Variants in DLC1 observed in about 807,000 individuals in gnomAD.
DLC1 encodes the protein DLC1 Rho GTPase activating protein, also known as rho GTPase-activating protein 7.
A neutral mutation model predicts 140.3 loss-of-function variants in DLC1; 54 were observed. The ratio of observed to expected loss-of-function variants is 0.38; its 90% CI spans 0.31 to 0.48. DLC1 has a LOEUF of 0.48. DLC1 is among the 20% of genes least tolerant of loss of function. The pLI, the probability that DLC1 is intolerant of heterozygous loss-of-function variation, is 0.96. For missense variants in DLC1, 2,536 were observed against 1,907.0 expected, an observed-to-expected ratio of 1.33 and a Z score of -6.14; for synonymous variants, 986 against 728.1, an observed-to-expected ratio of 1.35 and a Z score of -5.70.
chr8:13,224,109 C>G (rs538101849), intron 5 of DLC1, among the ~76,000 whole-genome samples: 1 of 152,270 alleles, frequency 6.6e-6, no homozygotes, highest in African/African-American at 2.4e-5. Context: ...ACAAAAACAT[C>G]TGGGATCGTT....
intron 5 of DLC1, among the ~76,000 whole-genome samples, chr8:13,251,582 T>C (rs1830006473): frequency 6.6e-6 from 1 of 152,214 alleles, no homozygotes; most frequent in South Asian, 2.1e-4. Context: ...CAGGACCTTT[T>C]GGATAAATTT....
At chr8:13,551,991 A>ATG (rs557902519) in intron 1 of DLC1, among the ~76,000 whole-genome samples, 3 of 143,632 alleles carry the variant, frequency 2.1e-5, no homozygotes, top group Admixed American at 7.1e-5. Flanking sequence ...GTGTATATAT[A>ATG]TGTGTGTGTG....
intron 3 of DLC1, among the ~76,000 whole-genome samples, chr8:13,399,017 C>G (rs961033228): frequency 6.6e-6 from 1 of 152,056 alleles, no homozygotes; most frequent in African/African-American, 2.4e-5. Context: ...GGGAGAAGAT[C>G]CAGGGAGACC....
In DLC1 at chr8:13,307,692, A is replaced by G. The variant is rs150863882; in HGVS notation, c.1315-2390T>C. Among the ~76,000 whole-genome samples, 80 of 152,362 alleles carry G rather than the reference A, an allele frequency of 5.3e-4. No individual in the cohort carries two copies. The East Asian group carries it at 0.012, about 24-fold the overall frequency. ...GTTCCTGGAGAAAGTTCCTCAGGAT[A>G]AAAATAGCTAGTGCTTACTGGGTGC... On this transcript the variant is annotated intron_variant, in intron 4 of 17. Transcript: ENST00000276297.
chr8:13,585,397 T>G (rs542550943), intron 1 of DLC1, among the ~76,000 whole-genome samples: 3 of 152,096 alleles, frequency 2.0e-5, no homozygotes, highest in Non-Finnish European at 4.4e-5. Context: ...GACTCTCATC[T>G]CTATAAAAAA....
In DLC1 at chr8:13,436,693, A is replaced by C. The variant is rs112905082; in HGVS notation, c.1024-35074T>G. Among the ~76,000 whole-genome samples, 74 of 152,372 alleles carry C rather than the reference A, an allele frequency of 4.9e-4. 2 individuals are homozygous for C. The highest frequency in any genetic ancestry group is 1.8e-3 in the African/African-American group (74 of 41,598). On this transcript the variant is annotated intron_variant, in intron 2 of 17. Coordinates refer to ENST00000276297, the MANE Select transcript of DLC1 (RefSeq NM_182643.3). ...TTGTATTTTCCCAGAGCTCTGCTCTACTGCCTTGTGTTTTAAGATCTGGTG... is the reference window on the plus strand; with the variant it reads ...TTGTATTTTCCCAGAGCTCTGCTCTCCTGCCTTGTGTTTTAAGATCTGGTG...
chr8:13,332,432 G>T (rs1671375), intron 4 of DLC1, among the ~76,000 whole-genome samples: 1 of 149,974 alleles, frequency 6.7e-6, no homozygotes, highest in African/African-American at 2.5e-5. Context: ...ATTTTCTTTT[G>T]TCTTTTTTTT....
At chr8:13,160,382 G>A (rs940818227) in intron 5 of DLC1, 2 of 152,248 alleles carry the variant, frequency 1.3e-5, no homozygotes, top group Non-Finnish European at 2.9e-5. Flanking sequence ...TGAGTGGACT[G>A]AATGCTGTTT....
chr8:13,155,828 T>C (rs1234549193), intron 5 of DLC1, among the ~76,000 whole-genome samples: 1 of 152,232 alleles, frequency 6.6e-6, no homozygotes, highest in Non-Finnish European at 1.5e-5. Flanking sequence ...TAACTGAATA[T>C]ATTCGCTATG....
chr8:13,423,210 G>T (rs114434261), intron 2 of DLC1, among the ~76,000 whole-genome samples: 1 of 151,996 alleles, frequency 6.6e-6, no homozygotes, highest in African/African-American at 2.4e-5. Flanking sequence ...TCTTTTCCAG[G>T]TCTTCATTAT....
At chr8:13,429,717 T>C (rs966595984) in intron 2 of DLC1, among the ~76,000 whole-genome samples, 1 of 152,322 alleles carries the variant, frequency 6.6e-6, no homozygotes, top group East Asian at 1.9e-4. Flanking sequence ...TTAGTATCTA[T>C]TTGGATAGAA....
intron 7 of DLC1, among the ~76,000 whole-genome samples, chr8:13,106,695 G>A (rs1819595253): frequency 6.6e-6 from 1 of 152,208 alleles, no homozygotes; most frequent in Non-Finnish European, 1.5e-5. Context: ...GCTCTAAGGT[G>A]GGCTGCTTTG....
intron 10 of DLC1, among the ~76,000 whole-genome samples, chr8:13,097,163 T>A (rs912782193): frequency 6.6e-6 from 1 of 152,138 alleles, no homozygotes; most frequent in Non-Finnish European, 1.5e-5. Context: ...CTTAAAATAA[T>A]TATTCACTGT....
intron 4 of DLC1, among the ~76,000 whole-genome samples, chr8:13,392,341 T>A (rs1836798262): frequency 6.6e-6 from 1 of 152,200 alleles, no homozygotes; most frequent in Non-Finnish European, 1.5e-5. Context: ...ATAGTAGATG[T>A]TCAATAAATA....
chr8:13,524,932 A>G (rs1387980003), intron 1 of DLC1, among the ~76,000 whole-genome samples: 1 of 152,210 alleles, frequency 6.6e-6, no homozygotes, highest in East Asian at 1.9e-4. Context: ...CACAAACAAA[A>G]TAATGAACAT....
chr8:13,167,913 C>A (rs1312312615), intron 5 of DLC1, among the ~76,000 whole-genome samples: 1 of 152,154 alleles, frequency 6.6e-6, no homozygotes, highest in African/African-American at 2.4e-5. Context: ...ATACAATTGG[C>A]CTTCTATGAC....
intron 1 of DLC1, among the ~76,000 whole-genome samples, chr8:13,590,903 C>T (rs1585310552): frequency 1.3e-5 from 2 of 152,068 alleles, no homozygotes; most frequent in African/African-American, 4.8e-5. Flanking sequence ...AAAAGCGATA[C>T]TCTCAGAAAA....
intron 4 of DLC1, among the ~76,000 whole-genome samples, chr8:13,324,695 C>A (rs1833267775): frequency 6.6e-6 from 1 of 151,668 alleles, no homozygotes; most frequent in Non-Finnish European, 1.5e-5. Context: ...AAACCATGTA[C>A]TTTTACTTAT....
intron 2 of DLC1, among the ~76,000 whole-genome samples, chr8:13,468,808 CTGCTTTTTTTT>C: frequency 1.2e-5 from 1 of 83,960 alleles, no homozygotes; most frequent in East Asian, 5.1e-4. Context: ...AATTTTATGT[CTGCTTTTTTTT>C]TTTTTTTTTT....
Sources: allele counts gnomAD v4.1 joint callset (sites outside exome capture counted in the v4.1 genomes callset), GRCh38; gene constraint gnomAD v4.1.1; transcripts MANE v1.5; gene names NCBI Gene and HGNC (gene_info 2026-07-23, HGNC 2026-07-21).